The following AFAP1L2 variants were observed in gnomAD, a reference collection of about 807,000 sequenced individuals.
The protein encoded by AFAP1L2 is actin filament-associated protein 1-like 2.
In AFAP1L2, 46 loss-of-function variants were observed where a neutral mutation model predicts 99.3. That is an observed-to-expected ratio of 0.46 (90% CI 0.37 to 0.59). AFAP1L2 has a LOEUF of 0.59. AFAP1L2 is among the 20% of genes least tolerant of loss of function. The pLI is 0.00. For missense variants in AFAP1L2, 959 were observed against 1,034.9 expected, an observed-to-expected ratio of 0.93 and a Z score of 1.01; for synonymous variants, 397 against 419.1, an observed-to-expected ratio of 0.95 and a Z score of 0.64.
At chr10:114,387,988 C>T (rs1435372202) in intron 1 of AFAP1L2, among the ~76,000 whole-genome samples, 6 of 152,166 alleles carry the variant, frequency 3.9e-5, no homozygotes, top group Non-Finnish European at 7.3e-5. Context: ...CTCATCCCAG[C>T]GCCCCCTTCA....
chr10:114,322,009 G>T (rs1489817196), intron 5 of AFAP1L2, among the ~76,000 whole-genome samples: 1 of 152,170 alleles, frequency 6.6e-6, no homozygotes, highest in African/African-American at 2.4e-5. Context: ...TGAATCATGG[G>T]GGTGAGTCTT....
At chr10:114,340,544 G>A in intron 2 of AFAP1L2, 59 bp downstream of exon 2, 1 of 1,564,214 alleles carries the variant, frequency 6.4e-7, no homozygotes, top group South Asian at 1.2e-5. Context: ...AGCCCGCACT[G>A]ACTCACAACC....
chr10:114,282,452 TTC>T, the AFAP1L2 span: 3 of 1,302,258 alleles, frequency 2.3e-6, no homozygotes, highest in Non-Finnish European at 3.3e-6. Flanking sequence ...GTAAATCATC[TTC>T]TGTTTTCTGC....
intron 1 of AFAP1L2, among the ~76,000 whole-genome samples, chr10:114,356,791 G>A (rs2051455050): frequency 6.6e-6 from 1 of 152,168 alleles, no homozygotes; most frequent in Non-Finnish European, 1.5e-5. Flanking sequence ...AAGAAGAAAG[G>A]TTATTCTTGA....
chr10:114,300,435 A>AG lies in AFAP1L2; in HGVS notation c.1788+9dup, dbSNP rs3214266. On this transcript the variant is annotated intron_variant, in intron 14 of 18. Coordinates refer to ENST00000304129, the MANE Select transcript of AFAP1L2 (RefSeq NM_001001936.3). The stretch of plus-strand genomic sequence containing the variant: ...AGGTGGTCTTGCTGTCCTGCAGGGG[A>AG]GGCCTGTACCTGTTCTCCCAGGTTC... 0.94 allele frequency: 1,510,598 copies of AG among 1,614,080 alleles called. 707,043 individuals carry two copies. Among genetic ancestry groups the AG allele is most frequent in the East Asian group, 0.98 (43,737 of 44,854 alleles).
chr10:114,316,261 GC>G (rs1208293402), intron 5 of AFAP1L2, among the ~76,000 whole-genome samples: 1 of 152,256 alleles, frequency 6.6e-6, no homozygotes, highest in Non-Finnish European at 1.5e-5. Flanking sequence ...TGTATGTGAG[GC>G]AGGCCTCTGA....
intron 1 of AFAP1L2, among the ~76,000 whole-genome samples, chr10:114,390,255 A>G (rs1280334291): frequency 2.0e-5 from 3 of 152,132 alleles, no homozygotes; most frequent in Non-Finnish European, 2.9e-5. Context: ...TCTCTAAGAC[A>G]TGTATCTATC....
At chr10:114,286,737 TG>T in the AFAP1L2 span, among the ~76,000 whole-genome samples, 1 of 152,232 alleles carries the variant, frequency 6.6e-6, no homozygotes, top group Admixed American at 6.5e-5. Flanking sequence ...TTAGGTAAGA[TG>T]GGCAGTGTAC....
intron 1 of AFAP1L2, among the ~76,000 whole-genome samples, chr10:114,402,261 TG>T (rs2058298786): frequency 6.6e-6 from 1 of 152,216 alleles, no homozygotes; most frequent in Non-Finnish European, 1.5e-5. Context: ...TAATCAGAGA[TG>T]GGCTTCATTT....
At chr10:114,355,936 G>C (rs888013948) in intron 1 of AFAP1L2, among the ~76,000 whole-genome samples, 1 of 152,170 alleles carries the variant, frequency 6.6e-6, no homozygotes, top group Non-Finnish European at 1.5e-5. Context: ...TTGCGCCACT[G>C]CACTCTAGCC....
chr10:114,329,373 A>G (rs2046905579), intron 4 of AFAP1L2, among the ~76,000 whole-genome samples: 2 of 152,300 alleles, frequency 1.3e-5, no homozygotes, highest in Admixed American at 1.3e-4. Context: ...CCCTCAGTCC[A>G]TGCTGTGCTT....
intron 4 of AFAP1L2, among the ~76,000 whole-genome samples, chr10:114,323,850 T>C (rs1244596374): frequency 6.6e-6 from 1 of 152,190 alleles, no homozygotes; most frequent in African/African-American, 2.4e-5. Context: ...CCTGGTCAAG[T>C]GCATTGTGAT....
chr10:114,291,399 G>A (rs2039587365), downstream of AFAP1L2: 5 of 785,858 alleles, frequency 6.4e-6, no homozygotes, highest in Non-Finnish European at 9.7e-6. Flanking sequence ...CTCACTGAGG[G>A]AGGAGGATGT....
At chr10:114,404,418 C>A in intron 1 of AFAP1L2, 22 bp downstream of exon 1, 1 of 1,541,858 alleles carries the variant, frequency 6.5e-7, no homozygotes, top group Non-Finnish European at 8.7e-7. Flanking sequence ...GTGTGCGCCG[C>A]GCGAGGAACC....
At chr10:114,383,048 A>G (rs1341573376) in intron 1 of AFAP1L2, among the ~76,000 whole-genome samples, 3 of 152,210 alleles carry the variant, frequency 2.0e-5, no homozygotes, top group Non-Finnish European at 4.4e-5. Context: ...TGTACTCCAT[A>G]AATACGTCAA....
intron 1 of AFAP1L2, among the ~76,000 whole-genome samples, chr10:114,344,065 G>A (rs991866990): frequency 2.6e-5 from 4 of 152,218 alleles, no homozygotes; most frequent in Non-Finnish European, 5.9e-5. Flanking sequence ...TTATAAATGA[G>A]AGCCCTGATG....
intron 3 of AFAP1L2, 60 bp from the exon 4 acceptor site, chr10:114,331,957 C>A: frequency 8.8e-7 from 1 of 1,140,974 alleles, no homozygotes; most frequent in African/African-American, 1.6e-5. Context: ...ACAGGGTCTC[C>A]TTCCTCAGGA....
At chr10:114,402,799 A>G in intron 1 of AFAP1L2, among the ~76,000 whole-genome samples, 1 of 152,224 alleles carries the variant, frequency 6.6e-6, no homozygotes, top group Admixed American at 6.5e-5. Context: ...AGAGAGATTA[A>G]TATGCTGATT....
chr10:114,315,519 G>A (rs780570774), intron 6 of AFAP1L2, 41 bp downstream of exon 6: 1 of 1,487,514 alleles, frequency 6.7e-7, no homozygotes, highest in Non-Finnish European at 9.3e-7. Context: ...CCTTCCCCAA[G>A]GAGAGGAGTC....
Sources: allele counts gnomAD v4.1 joint callset (sites outside exome capture counted in the v4.1 genomes callset), GRCh38; gene constraint gnomAD v4.1.1; transcripts MANE v1.5; gene names NCBI Gene and HGNC (gene_info 2026-07-23, HGNC 2026-07-21).